Variants in BRD3OS observed in about 807,000 individuals in gnomAD.
BRD3OS encodes the protein uncharacterized protein BRD3OS.
Position 134,026,942 on chromosome 9 carries a change from C to A in BRD3OS, c.195C>A (p.Asp65Glu). 1 of 398,920 alleles carries A rather than the reference C, an allele frequency of 2.5e-6. No homozygotes were observed. The highest frequency in any genetic ancestry group is 4.4e-6 in the Non-Finnish European group (1 of 226,070). The allele number at this position is 398,920 out of a possible 1,614,324, so 24.7% of individuals were successfully genotyped here. ...GAAATGAGGCCATCTTGGTCCGAGA[C>A]AAAAACAAGCTCGAGGTCTCTAGGG... ...QYGNEAILVR[D>E]KNKLEVSRDT... Residue 65 changes from aspartate to glutamate, a missense_variant, in exon 3 of 3, where the codon GAC (aspartate) becomes GAA (glutamate). Transcript: ENST00000603928. This position sits in a 1 kb window ranked among gnomAD's most constrained non-coding sequence, Gnocchi z 4.4.
At position 134,030,738 on chromosome 9, in the gene BRD3OS, A is replaced by C; in HGVS notation, c.*3736A>C. ...CAACAACAAAAACAAACACACAAAA[A>C]AATGTGTCTTACAGTTTGTAAGCAA... is the stretch of plus-strand genomic sequence containing the variant. On this transcript the variant is annotated 3_prime_UTR_variant, in exon 3 of 3. Transcript: ENST00000603928. 1 of 232,096 alleles carries C rather than the reference A, an allele frequency of 4.3e-6. No homozygotes were observed. Among genetic ancestry groups the C allele is most frequent in the Non-Finnish European group, 8.5e-6 (1 of 117,310 alleles). 14.4% of individuals were successfully genotyped at this position (232,096 alleles called of 1,614,324 possible). A position where few individuals can be genotyped will look rare whatever the true frequency, so the allele number is the denominator to read the frequency against.
rs1202668484 is a variant in BRD3OS, at chr9:134,030,912, T to C, written c.*3910T>C. On this transcript the variant is annotated 3_prime_UTR_variant, in exon 3 of 3. Coordinates refer to ENST00000603928, the MANE Select transcript of BRD3OS (RefSeq NM_001355256.2). The stretch of plus-strand genomic sequence containing the variant: ...CTCCTCTCCCCTTGAAAAAAGCATG[T>C]TAGAAGCTGCCCTACAGGTCTCAGC... 1 of 231,268 alleles carries C rather than the reference T, an allele frequency of 4.3e-6. No individual in the cohort carries two copies. The highest frequency in any genetic ancestry group is 5.6e-5 in the Admixed American group (1 of 17,708). 14.3% of individuals were successfully genotyped at this position (231,268 alleles called of 1,614,324 possible).
rs1378332370 is a variant in BRD3OS at position 134,026,996 on chromosome 9, T to C, written c.249T>C (p.Ile83=). The C allele has an allele frequency of 2.5e-6, 1 of 398,840 alleles. No individual in the cohort carries two copies. Among genetic ancestry groups the C allele is most frequent in the Non-Finnish European group, 4.4e-6 (1 of 226,068 alleles). 24.7% of individuals were successfully genotyped at this position (398,840 alleles called of 1,614,324 possible). A position where few individuals can be genotyped will look rare whatever the true frequency, so the allele number is the denominator to read the frequency against. Residue 83 remains isoleucine, a synonymous_variant, in exon 3 of 3, where the codon ATT becomes ATC. Transcript: ENST00000603928. The surrounding 1 kb of genome is among the most constrained non-coding windows in gnomAD (Gnocchi z 4.4). ...RDTGQSKFCT[I]M ...CAGGGCAGTCCAAGTTTTGCACAAT[T>C]ATGTAATTCCGATGTGAGCACCTGA...
At position 134,026,796 on chromosome 9, in the gene BRD3OS, G is replaced by A. The variant is rs1309042352; in HGVS notation, c.49G>A (p.Ala17Thr). 3 of 398,750 alleles carry A rather than the reference G, an allele frequency of 7.5e-6. No homozygotes were observed. The highest frequency in any genetic ancestry group is 4.4e-5 in the Admixed American group (1 of 22,710). The allele number at this position is 398,750 out of a possible 1,614,324, so 24.7% of individuals were successfully genotyped here. A position where few individuals can be genotyped will look rare whatever the true frequency, so the allele number is the denominator to read the frequency against. ...AGAGAAGGCCTTGTCTGAAGGCTACGCCCGCCTCCGGTACAGGGACACCTC... is the reference window on the plus strand; with the variant it reads ...AGAGAAGGCCTTGTCTGAAGGCTACACCCGCCTCCGGTACAGGGACACCTC... ...LAEKALSEGY[A>T]RLRYRDTSLL... Residue 17 changes from alanine to threonine, a missense_variant, in exon 3 of 3, where the codon GCC becomes ACC. Coordinates refer to ENST00000603928, the MANE Select transcript of BRD3OS (RefSeq NM_001355256.2). This position sits in a 1 kb window ranked among gnomAD's most constrained non-coding sequence, Gnocchi z 4.4.
rs1843489085 is a variant in BRD3OS at position 134,030,244 on chromosome 9, C to T, written c.*3242C>T. 6.6e-6 allele frequency: 1 copy of T among 150,428 alleles called. No individual in the cohort carries two copies. The highest frequency in any genetic ancestry group is 1.4e-5 in the Non-Finnish European group (1 of 71,036). 9.3% of individuals were successfully genotyped at this position (150,428 alleles called of 1,614,324 possible). On this transcript the variant is annotated 3_prime_UTR_variant, in exon 3 of 3. Transcript: ENST00000603928. ...GGTGCTTCCAGACATTTCCAGGCTC[C>T]AGGAGAGAGGCTGGGAGCCCCCACA...
At position 134,029,832 on chromosome 9, in the gene BRD3OS, G is replaced by C. The variant is rs1843484096; in HGVS notation, c.*2830G>C. On this transcript the variant is annotated 3_prime_UTR_variant, in exon 3 of 3. Transcript: ENST00000603928. ...CTGGCTGTCTCGAAGAGGGCAGCTTGTTCCAGGGAACCAATGAACTGTCAG... is the reference window on the plus strand; with the variant it reads ...CTGGCTGTCTCGAAGAGGGCAGCTTCTTCCAGGGAACCAATGAACTGTCAG... 1 of 152,268 alleles carries C rather than the reference G, an allele frequency of 6.6e-6. No individual in the cohort carries two copies. Among genetic ancestry groups the C allele is most frequent in the African/African-American group, 2.4e-5 (1 of 41,464 alleles). 9.4% of individuals were successfully genotyped at this position (152,268 alleles called of 1,614,324 possible). A position where few individuals can be genotyped will look rare whatever the true frequency, so the allele number is the denominator to read the frequency against.
In BRD3OS at chr9:134,029,395, A is replaced by G. The variant is rs559579601; in HGVS notation, c.*2393A>G. ...GGGCCACGCACAAGGAGCTGGCACT[A>G]AGCCGCTTAGGCTGCAGGAAGACAC... On this transcript the variant is annotated 3_prime_UTR_variant, in exon 3 of 3. Transcript: ENST00000603928. 1 of 152,442 alleles carries G rather than the reference A, an allele frequency of 6.6e-6. No individual in the cohort carries two copies. The highest frequency in any genetic ancestry group is 1.5e-5 in the Non-Finnish European group (1 of 68,094). The allele number at this position is 152,442 out of a possible 1,614,324, so 9.4% of individuals were successfully genotyped here.
Position 134,029,234 on chromosome 9 carries a change from CCT to C in BRD3OS, c.*2233_*2234del, listed in dbSNP as rs1466572267. On this transcript the variant is annotated 3_prime_UTR_variant, in exon 3 of 3. Coordinates refer to ENST00000603928, the MANE Select transcript of BRD3OS (RefSeq NM_001355256.2). ...ACCTTCTCACCGCACCACAGACTCC[CCT>C]GAGGACGGGTTGTGGCGGGGTTGGC... The C allele has an allele frequency of 2.6e-5, 4 of 152,302 alleles. No individual in the cohort carries two copies. The highest frequency in any genetic ancestry group is 3.9e-4 in the East Asian group (2 of 5,194). 9.4% of individuals were successfully genotyped at this position (152,302 alleles called of 1,614,324 possible).
At position 134,031,543 on chromosome 9, in the gene BRD3OS, A is replaced by T. The variant is rs369917318; in HGVS notation, c.*4541A>T. ...AATGGAAACTTTCAAATCCATTTAT[A>T]TTTTTATTATAAACAAAACTTAATT... On this transcript the variant is annotated 3_prime_UTR_variant, in exon 3 of 3. Transcript: ENST00000603928. The T allele has an allele frequency of 1.5e-4, 30 of 202,384 alleles. No homozygotes were observed. The South Asian group carries it at 3.2e-3, about 22-fold the overall frequency. The allele number at this position is 202,384 out of a possible 1,614,324, so 12.5% of individuals were successfully genotyped here. A position where few individuals can be genotyped will look rare whatever the true frequency, so the allele number is the denominator to read the frequency against.
intron 1 of BRD3OS, 49 bp downstream of exon 1, chr9:134,025,585 A>AG (rs1341372041): frequency 2.7e-5 from 4 of 150,064 alleles, no homozygotes; most frequent in Non-Finnish European, 5.9e-5. Flanking sequence ...GGCAGACGAT[A>AG]GGGGGCTGGA....
In BRD3OS at chr9:134,030,860, C is replaced by T; in HGVS notation, c.*3858C>T. The T allele has an allele frequency of 4.3e-6, 1 of 232,534 alleles. No individual in the cohort carries two copies. The highest frequency in any genetic ancestry group is 8.5e-6 in the Non-Finnish European group (1 of 117,562). 14.4% of individuals were successfully genotyped at this position (232,534 alleles called of 1,614,324 possible). On this transcript the variant is annotated 3_prime_UTR_variant, in exon 3 of 3. Coordinates refer to ENST00000603928, the MANE Select transcript of BRD3OS (RefSeq NM_001355256.2). ...GGGGTCATTCAGAGTGTTCTCAAAT[C>T]CAATTCCGACACACGACTTGTCACT...
chr9:134,027,701 C>T lies in BRD3OS; in HGVS notation c.*699C>T, dbSNP rs1843447424. Reference sequence around the variant, plus strand: ...CTGGGATTACAGGCATGGGTCACCGCACCAAGCCCGCATTTATATTTTGAG... The same window carrying T: ...CTGGGATTACAGGCATGGGTCACCGTACCAAGCCCGCATTTATATTTTGAG... On this transcript the variant is annotated 3_prime_UTR_variant, in exon 3 of 3. Coordinates refer to ENST00000603928, the MANE Select transcript of BRD3OS (RefSeq NM_001355256.2). 1 of 152,256 alleles carries T rather than the reference C, an allele frequency of 6.6e-6. No individual in the cohort carries two copies. The highest frequency in any genetic ancestry group is 2.1e-4 in the South Asian group (1 of 4,828). 9.4% of individuals were successfully genotyped at this position (152,256 alleles called of 1,614,324 possible).
rs1316143954 is a variant in BRD3OS at position 134,029,023 on chromosome 9, G to A, written c.*2021G>A. ...TCCAGGATTGCCGCATGGAGCTGCA[G>A]AGGGAGTGAGCATGGGGCTGGAGGA... On this transcript the variant is annotated 3_prime_UTR_variant, in exon 3 of 3. Transcript: ENST00000603928. The A allele has an allele frequency of 6.6e-6, 1 of 152,274 alleles. No homozygotes were observed. The highest frequency in any genetic ancestry group is 2.4e-5 in the African/African-American group (1 of 41,466). The allele number at this position is 152,274 out of a possible 1,614,324, so 9.4% of individuals were successfully genotyped here. A position where few individuals can be genotyped will look rare whatever the true frequency, so the allele number is the denominator to read the frequency against.
rs1261840749 is a variant in BRD3OS at position 134,030,855 on chromosome 9, C to T, written c.*3853C>T. 8.6e-6 allele frequency: 2 copies of T among 232,384 alleles called. No individual in the cohort carries two copies. The highest frequency in any genetic ancestry group is 4.4e-5 in the African/African-American group (2 of 45,284). The allele number at this position is 232,384 out of a possible 1,614,324, so 14.4% of individuals were successfully genotyped here. ...CTCCAGGGGTCATTCAGAGTGTTCT[C>T]AAATCCAATTCCGACACACGACTTG... is the stretch of plus-strand genomic sequence containing the variant. On this transcript the variant is annotated 3_prime_UTR_variant, in exon 3 of 3. Coordinates refer to ENST00000603928, the MANE Select transcript of BRD3OS (RefSeq NM_001355256.2).
chr9:134,031,328 A>G lies in BRD3OS; in HGVS notation c.*4326A>G, dbSNP rs1020493040. On this transcript the variant is annotated 3_prime_UTR_variant, in exon 3 of 3. Transcript: ENST00000603928. ...CTGTGGCTGGAGGGGCATTGCAAGG[A>G]GCGCCCCCCAGCCCCAGGCACCCCC... is the stretch of plus-strand genomic sequence containing the variant. The G allele has an allele frequency of 6.7e-5, 14 of 207,852 alleles. No individual in the cohort carries two copies. The highest frequency in any genetic ancestry group is 1.6e-4 in the African/African-American group (7 of 43,700). The allele number at this position is 207,852 out of a possible 1,614,324, so 12.9% of individuals were successfully genotyped here.
rs1021111980 is a variant in BRD3OS, at chr9:134,027,151, G to A, written c.*149G>A. 2.0e-5 allele frequency: 8 copies of A among 390,812 alleles called. No homozygotes were observed. The highest frequency in any genetic ancestry group is 1.4e-4 in the South Asian group (1 of 6,962). 24.2% of individuals were successfully genotyped at this position (390,812 alleles called of 1,614,324 possible). A position where few individuals can be genotyped will look rare whatever the true frequency, so the allele number is the denominator to read the frequency against. The stretch of plus-strand genomic sequence containing the variant: ...ACTGTGGTGTAAGAACCCAAGAAGC[G>A]CAGAATTGGCCCCCGAACCCCTCAG... On this transcript the variant is annotated 3_prime_UTR_variant, in exon 3 of 3. Transcript: ENST00000603928.
rs1843440748 is a variant in BRD3OS, at chr9:134,027,221, G to T, written c.*219G>T. On this transcript the variant is annotated 3_prime_UTR_variant, in exon 3 of 3. Transcript: ENST00000603928. ...GTGCACAGGACACTTCCCCTCTAGA[G>T]TCCCCTCCGTGGTCAGCTGTTGTGA... 5.7e-6 allele frequency: 2 copies of T among 353,428 alleles called. No individual in the cohort carries two copies. The highest frequency in any genetic ancestry group is 1.0e-5 in the Non-Finnish European group (2 of 197,936). The allele number at this position is 353,428 out of a possible 1,614,324, so 21.9% of individuals were successfully genotyped here. A position where few individuals can be genotyped will look rare whatever the true frequency, so the allele number is the denominator to read the frequency against.
rs1187826518 is a variant in BRD3OS at position 134,031,502 on chromosome 9, G to A, written c.*4500G>A. The A allele has an allele frequency of 1.5e-5, 3 of 198,154 alleles. No homozygotes were observed. Among genetic ancestry groups the A allele is most frequent in the African/African-American group, 2.3e-5 (1 of 42,598 alleles). The allele number at this position is 198,154 out of a possible 1,614,324, so 12.3% of individuals were successfully genotyped here. A position where few individuals can be genotyped will look rare whatever the true frequency, so the allele number is the denominator to read the frequency against. ...CTGTTTAGAAAATACCTTTGAAAACGAGGGTAACTTTAAAAAATGGAAACT... is the reference window on the plus strand; with the variant it reads ...CTGTTTAGAAAATACCTTTGAAAACAAGGGTAACTTTAAAAAATGGAAACT... On this transcript the variant is annotated 3_prime_UTR_variant, in exon 3 of 3. Coordinates refer to ENST00000603928, the MANE Select transcript of BRD3OS (RefSeq NM_001355256.2).
rs181816238 is a variant in BRD3OS, at chr9:134,030,523, T to C, written c.*3521T>C. 1.1e-3 allele frequency: 230 copies of C among 209,418 alleles called. 1 individual carries two copies. The highest frequency in any genetic ancestry group is 4.8e-3 in the African/African-American group (212 of 43,974). 13.0% of individuals were successfully genotyped at this position (209,418 alleles called of 1,614,324 possible). A position where few individuals can be genotyped will look rare whatever the true frequency, so the allele number is the denominator to read the frequency against. ...TATACTAGAAACGGCACTAAAAAGT[T>C]TAAGAAAAGTTACGGTAAACTTGCA... On this transcript the variant is annotated 3_prime_UTR_variant, in exon 3 of 3. Coordinates refer to ENST00000603928, the MANE Select transcript of BRD3OS (RefSeq NM_001355256.2).
Sources: allele counts gnomAD v4.1 joint callset, GRCh38; gene constraint gnomAD v4.1.1; non-coding constraint Gnocchi (gnomAD v3.1); transcripts MANE v1.5; gene names NCBI Gene and HGNC (gene_info 2026-07-23, HGNC 2026-07-21).